Variants in GRM7 observed in about 807,000 individuals in gnomAD.
GRM7 encodes glutamate metabotropic receptor 7, also known as metabotropic glutamate receptor 7.
Under a neutral mutation model 84.5 loss-of-function variants are expected in GRM7, and 35 were observed. The observed-to-expected ratio is 0.41, with a 90% CI of 0.32 to 0.55. The LOEUF is 0.55. Ranked by LOEUF, GRM7 falls within the 20% of genes least tolerant of loss-of-function variation. The probability of loss-of-function intolerance (pLI) is 0.19; values close to 1 mark genes in which losing one functional copy is unlikely to be tolerated. For missense variants in GRM7, 1,003 were observed against 1,194.6 expected (o/e 0.84, Z 2.36); for synonymous variants, 487 against 455.1 (o/e 1.07, Z -0.89).
At chr3:7,361,797 G>A (rs1278905838) in intron 4 of GRM7, among the ~76,000 whole-genome samples, 1 of 152,090 alleles carries the variant, frequency 6.6e-6, no homozygotes, top group Non-Finnish European at 1.5e-5. Flanking sequence ...ATTTTCTTCT[G>A]GCTGCTGATG....
At chr3:7,550,571 C>CTGTGTG (rs776259677) in intron 7 of GRM7, among the ~76,000 whole-genome samples, 6 of 87,228 alleles carry the variant, frequency 6.9e-5, no homozygotes, top group Middle Eastern at 5.1e-3. Context: ...CTCTCTCTCT[C>CTGTGTG]TCTCTCTGTG....
At chr3:6,995,773 G>A (rs1255016174) in intron 1 of GRM7, among the ~76,000 whole-genome samples, 3 of 152,092 alleles carry the variant, frequency 2.0e-5, no homozygotes, top group Non-Finnish European at 4.4e-5. Context: ...AAAGGCTATA[G>A]TGATCACCAC....
At chr3:7,309,707 T>C (rs1161901946) in intron 4 of GRM7, among the ~76,000 whole-genome samples, 2 of 152,158 alleles carry the variant, frequency 1.3e-5, no homozygotes, top group Non-Finnish European at 2.9e-5. Context: ...GTGGCCTTTC[T>C]CTTCTATCTG....
chr3:7,598,669 C>A (rs1443253619), intron 8 of GRM7, among the ~76,000 whole-genome samples: 2 of 152,114 alleles, frequency 1.3e-5, no homozygotes, highest in Non-Finnish European at 2.9e-5. Context: ...AAATTGCCAT[C>A]TTTGCTTAAG....
At chr3:7,169,568 G>A (rs1040705493) in intron 2 of GRM7, among the ~76,000 whole-genome samples, 1 of 152,090 alleles carries the variant, frequency 6.6e-6, no homozygotes, top group Non-Finnish European at 1.5e-5. Context: ...GGGATAAAAG[G>A]GTAGCACATA....
At chr3:7,591,447 C>A (rs1411890499) in intron 8 of GRM7, 1 of 445,326 alleles carries the variant, frequency 2.2e-6, no homozygotes, top group South Asian at 1.6e-5. Context: ...GTGATCAAAT[C>A]TTTTAAGAAG....
At chr3:7,436,714 C>G (rs1466549773) in intron 5 of GRM7, among the ~76,000 whole-genome samples, 1 of 152,170 alleles carries the variant, frequency 6.6e-6, no homozygotes, top group Admixed American at 6.5e-5. Flanking sequence ...ACTTATATAT[C>G]TCTCCAACTC....
At chr3:7,090,819 TC>T (rs1429102492) in intron 1 of GRM7, among the ~76,000 whole-genome samples, 1 of 152,180 alleles carries the variant, frequency 6.6e-6, no homozygotes, top group Non-Finnish European at 1.5e-5. Context: ...GGTTGTTAAC[TC>T]AAGGTCAGCC....
chr3:7,560,617 A>G (rs1257536876), intron 7 of GRM7, among the ~76,000 whole-genome samples: 3 of 152,192 alleles, frequency 2.0e-5, no homozygotes, highest in South Asian at 2.1e-4. Flanking sequence ...CAAGGTTCAC[A>G]CTAGATTTGT....
chr3:7,377,875 A>G (rs971709445), intron 4 of GRM7, among the ~76,000 whole-genome samples: 14 of 152,222 alleles, frequency 9.2e-5, no homozygotes, highest in African/African-American at 2.7e-4. Flanking sequence ...TTAGTTAACT[A>G]ATCAGTGCTA....
intron 2 of GRM7, among the ~76,000 whole-genome samples, chr3:7,202,982 T>G (rs2125115306): frequency 6.6e-6 from 1 of 152,354 alleles, no homozygotes; most frequent in East Asian, 1.9e-4. Flanking sequence ...GAGTGTGTGT[T>G]AGATGCATAG....
chr3:6,963,494 T>A (rs1438723227), intron 1 of GRM7, among the ~76,000 whole-genome samples: 2 of 152,160 alleles, frequency 1.3e-5, no homozygotes, highest in African/African-American at 4.8e-5. Flanking sequence ...GGCATGGCGG[T>A]GCAATCTGTA....
intron 1 of GRM7, among the ~76,000 whole-genome samples, chr3:7,049,868 G>A (rs1444594157): frequency 1.3e-5 from 2 of 151,920 alleles, no homozygotes; most frequent in Non-Finnish European, 2.9e-5. Flanking sequence ...TCATGGAGGA[G>A]TGGAGAGCAA....
At chr3:7,357,003 T>C (rs1693438431) in intron 4 of GRM7, among the ~76,000 whole-genome samples, 1 of 149,700 alleles carries the variant, frequency 6.7e-6, no homozygotes, top group Non-Finnish European at 1.5e-5. Flanking sequence ...ATATTTTATA[T>C]ATCATATAAT....
intron 7 of GRM7, among the ~76,000 whole-genome samples, chr3:7,479,687 C>T (rs558689650): frequency 1.3e-5 from 2 of 152,254 alleles, no homozygotes; most frequent in South Asian, 2.1e-4. Context: ...CTTATGAGGT[C>T]GGTGCTATTT....
chr3:7,238,379 G>T (rs376635316), intron 2 of GRM7, among the ~76,000 whole-genome samples: 2 of 152,130 alleles, frequency 1.3e-5, no homozygotes, highest in Non-Finnish European at 2.9e-5. Flanking sequence ...GGACAAGTCC[G>T]AATCTACCTT....
chr3:6,979,184 C>G (rs908092035), intron 1 of GRM7, among the ~76,000 whole-genome samples: 1 of 152,146 alleles, frequency 6.6e-6, no homozygotes, highest in African/African-American at 2.4e-5. Flanking sequence ...CACGAATTCT[C>G]TCTTTTCAGT....
chr3:7,299,996 TA>T (rs1334757524), intron 3 of GRM7, among the ~76,000 whole-genome samples: 1 of 151,316 alleles, frequency 6.6e-6, no homozygotes. Context: ...TTTTTATATA[TA>T]TTATAAATAT....
chr3:7,096,349 A>T (rs9840406), intron 1 of GRM7, among the ~76,000 whole-genome samples: 67,618 of 152,014 alleles, frequency 0.44, 15,580 homozygotes, highest in African/African-American at 0.57. Flanking sequence ...CTTCTGATAG[A>T]TTGGCTATAA....
Sources: gnomAD v4.1 joint callset for allele counts (sites outside exome capture counted in the v4.1 genomes callset) on GRCh38, gnomAD v4.1.1 for gene constraint, MANE v1.5 for transcripts, NCBI Gene and HGNC (gene_info 2026-07-23, HGNC 2026-07-21) for gene names.